The following SYT6 variants were observed in gnomAD, a reference collection of about 807,000 sequenced individuals.
The protein encoded by SYT6 is synaptotagmin 6, also known as synaptotagmin-6.
SYT6 carries 24 observed loss-of-function variants against 38.4 expected under a neutral mutation model. The ratio of observed to expected loss-of-function variants is 0.62; its 90% CI spans 0.45 to 0.88. The LOEUF is 0.88. Among genes scored for constraint, SYT6 ranks in the 40% least tolerant of loss-of-function variants. The pLI is 0.00. For missense variants in SYT6, 611 were observed against 621.0 expected, an observed-to-expected ratio of 0.98 and a Z score of 0.17; for synonymous variants, 265 against 241.9, an observed-to-expected ratio of 1.10 and a Z score of -0.89.
chr1:114,097,702 C>T, intron 6 of SYT6, 25 bp downstream of exon 6: 1 of 1,611,228 alleles, frequency 6.2e-7, no homozygotes, highest in Non-Finnish European at 8.5e-7. Context: ...AGCAAACATG[C>T]CAAGGGCCAG....
intron 7 of SYT6, 61 bp downstream of exon 7, chr1:114,093,674 G>C: frequency 6.6e-7 from 1 of 1,508,294 alleles, no homozygotes; most frequent in African/African-American, 1.4e-5. Context: ...CACACTAGGG[G>C]AAGAAGGAGA....
chr1:114,133,048 T>A (rs1344946233), intron 3 of SYT6, among the ~76,000 whole-genome samples: 1 of 152,118 alleles, frequency 6.6e-6, no homozygotes, highest in Non-Finnish European at 1.5e-5. Context: ...CCTTCCTCCC[T>A]GCATACCCTC....
chr1:114,118,116 T>C (rs1363855900), intron 3 of SYT6, among the ~76,000 whole-genome samples: 4 of 152,110 alleles, frequency 2.6e-5, no homozygotes, highest in Non-Finnish European at 5.9e-5. Flanking sequence ...GGAGGGAGCA[T>C]GGGGCCAGGA....
chr1:114,125,487 A>C lies in SYT6; in HGVS notation c.1071+12008T>G, dbSNP rs1443964344. ...AAAGGAAGATATTAAATATTCATGG[A>C]GAATGAGTAGGTGTCAATTCAGACA... On this transcript the variant is annotated intron_variant, in intron 3 of 7. Coordinates refer to ENST00000610222, the MANE Select transcript of SYT6 (RefSeq NM_001253772.2). 1.3e-5 allele frequency among the ~76,000 whole-genome samples: 2 copies of C among 152,112 alleles called. 1 individual carries two copies. Among genetic ancestry groups the C allele is most frequent in the Non-Finnish European group, 2.9e-5 (2 of 68,034 alleles).
At chr1:114,142,273 T>C (rs1678905721) in intron 1 of SYT6, among the ~76,000 whole-genome samples, 1 of 152,216 alleles carries the variant, frequency 6.6e-6, no homozygotes. Context: ...AACTGAAATT[T>C]AAAAGAAGTT....
intron 3 of SYT6, among the ~76,000 whole-genome samples, chr1:114,131,379 C>T (rs1261308524): frequency 6.6e-6 from 1 of 152,252 alleles, no homozygotes; most frequent in Non-Finnish European, 1.5e-5. Context: ...CTGTCCTTCA[C>T]TGTCATCAAC....
At chr1:114,099,377 G>A in intron 4 of SYT6, 112 bp from the exon 5 acceptor site, 1 of 1,076,714 alleles carries the variant, frequency 9.3e-7, no homozygotes, top group South Asian at 1.9e-5. Context: ...TCATCAGATG[G>A]TATCAGTGGG....
Position 114,097,746 on chromosome 1 carries a change from A to T in SYT6, c.1496T>A (p.Val499Glu). 1 of 1,613,984 alleles carries T rather than the reference A, an allele frequency of 6.2e-7. No individual in the cohort carries two copies. Among genetic ancestry groups the T allele is most frequent in the Non-Finnish European group, 8.5e-7 (1 of 1,179,976 alleles). ...PIAHWHSLVEVKKSFKEGNPR... is the reference protein window; with the variant it reads ...PIAHWHSLVEEKKSFKEGNPR... ...ACCCACCTCTTTGAAGGATTTCTTTACCTCCACCAAGGAGTGCCAGTGTGC... is the reference window on the plus strand; with the variant it reads ...ACCCACCTCTTTGAAGGATTTCTTTTCCTCCACCAAGGAGTGCCAGTGTGC... Residue 499 changes from valine to glutamate, a missense_variant, in exon 6 of 8, where the codon GTA (valine) becomes GAA (glutamate). Val to Glu is a moderately radical substitution (Grantham distance 121). Transcript: ENST00000610222.
At position 114,092,086 on chromosome 1, in the gene SYT6, C is replaced by T; in HGVS notation, c.*52-4G>A. The T allele has an allele frequency of 6.5e-7, 1 of 1,536,142 alleles. No individual in the cohort carries two copies. The highest frequency in any genetic ancestry group is 8.7e-7 in the Non-Finnish European group (1 of 1,146,842). On this transcript the variant is annotated splice_region_variant and splice_polypyrimidine_tract_variant and intron_variant, in intron 7 of 7. Transcript: ENST00000610222. The stretch of plus-strand genomic sequence containing the variant: ...AGCTAGCAGCTCGGCCCTGCCACTG[C>T]AAAGAGGAGAACAATCTGTTTATTA...
chr1:114,105,554 C>T (rs1369439582), intron 3 of SYT6, among the ~76,000 whole-genome samples: 1 of 151,930 alleles, frequency 6.6e-6, no homozygotes, highest in Non-Finnish European at 1.5e-5. Context: ...GTGGAGACAG[C>T]CACCCCTCCT....
intron 4 of SYT6, among the ~76,000 whole-genome samples, chr1:114,101,717 A>C (rs983408859): frequency 6.6e-6 from 1 of 152,174 alleles, no homozygotes; most frequent in Non-Finnish European, 1.5e-5. Flanking sequence ...ACTCATCCTC[A>C]AGAACAGGAG....
At chr1:114,113,138 C>A (rs879311671) in intron 3 of SYT6, among the ~76,000 whole-genome samples, 7 of 152,308 alleles carry the variant, frequency 4.6e-5, no homozygotes, top group Non-Finnish European at 7.4e-5. Flanking sequence ...TCCCCACCTC[C>A]TGCTCCCCAC....
intron 3 of SYT6, among the ~76,000 whole-genome samples, chr1:114,120,765 CT>C (rs1677343245): frequency 6.6e-6 from 1 of 152,220 alleles, no homozygotes; most frequent in Non-Finnish European, 1.5e-5. Context: ...GGCAAGGTGA[CT>C]TGTTACCAAT....
At chr1:114,129,338 G>A (rs575884916) in intron 3 of SYT6, among the ~76,000 whole-genome samples, 34 of 152,182 alleles carry the variant, frequency 2.2e-4, no homozygotes, top group African/African-American at 7.9e-4. Context: ...GTGTACAGTA[G>A]TCTAGTCCCC....
chr1:114,130,669 T>C (rs890012917), intron 3 of SYT6, among the ~76,000 whole-genome samples: 2 of 152,246 alleles, frequency 1.3e-5, no homozygotes, highest in African/African-American at 4.8e-5. Context: ...CTGAAACCTC[T>C]GTTCAACTGT....
chr1:114,094,190 T>C (rs1675488747), intron 6 of SYT6, among the ~76,000 whole-genome samples: 2 of 152,208 alleles, frequency 1.3e-5, no homozygotes, highest in African/African-American at 2.4e-5. Flanking sequence ...AGTTTTCCTA[T>C]GAAGATAAAC....
At chr1:114,148,668 CATTTATTTATTTATTT>C (rs67439650) in intron 1 of SYT6, among the ~76,000 whole-genome samples, 28,669 of 150,620 alleles carry the variant, frequency 0.19, 3,008 homozygotes, top group Middle Eastern at 0.22. Flanking sequence ...CTAATAATAT[CATTTATTTATTTATTT>C]ATTTATTTAT....
chr1:114,124,142 A>G (rs1677588352), intron 3 of SYT6, among the ~76,000 whole-genome samples: 1 of 152,244 alleles, frequency 6.6e-6, no homozygotes, highest in Non-Finnish European at 1.5e-5. Context: ...AAATGGCTTT[A>G]CAAGCCCCAC....
rs1675253695 is a variant in SYT6 at position 114,090,714 on chromosome 1, C to T, written c.*1420G>A. On this transcript the variant is annotated 3_prime_UTR_variant, in exon 8 of 8. Transcript: ENST00000610222. ...GCCACAAGTCGAAGTAGAAACTCACCTCCATGCGCTTACTGGGGTTATACA... is the reference window on the plus strand; with the variant it reads ...GCCACAAGTCGAAGTAGAAACTCACTTCCATGCGCTTACTGGGGTTATACA... 6.6e-6 allele frequency: 1 copy of T among 152,374 alleles called. No homozygotes were observed. The highest frequency in any genetic ancestry group is 2.4e-5 in the African/African-American group (1 of 41,462). The allele number at this position is 152,374 out of a possible 1,614,324, so 9.4% of individuals were successfully genotyped here.
Sources: allele counts gnomAD v4.1 joint callset (sites outside exome capture counted in the v4.1 genomes callset), GRCh38; gene constraint gnomAD v4.1.1; transcripts MANE v1.5; gene names NCBI Gene and HGNC (gene_info 2026-07-23, HGNC 2026-07-21).